CYP27C1: variants seen among roughly 807,000 people sequenced by gnomAD.
CYP27C1 encodes the protein cytochrome P450 27C1.
A neutral mutation model predicts 40.6 loss-of-function variants in CYP27C1; 29 were observed. The ratio of observed to expected loss-of-function variants is 0.71; its 90% CI spans 0.53 to 0.97. The LOEUF is 0.97. Ranked by LOEUF, CYP27C1 falls within the 50% of genes least tolerant of loss-of-function variation. The pLI is 0.00. For missense variants in CYP27C1, 390 were observed against 485.8 expected (o/e 0.80, Z 1.85); for synonymous variants, 198 against 186.8 (o/e 1.06, Z -0.49).
At chr2:127,216,426 T>C (rs1011473505) in intron 1 of CYP27C1, among the ~76,000 whole-genome samples, 4 of 152,154 alleles carry the variant, frequency 2.6e-5, no homozygotes, top group African/African-American at 9.7e-5. Context: ...TACTGAAATG[T>C]TTAAAGTGAA....
intron 2 of CYP27C1, among the ~76,000 whole-genome samples, chr2:127,205,015 CTTT>C (rs1309756549): frequency 2.0e-5 from 3 of 152,184 alleles, no homozygotes; most frequent in Non-Finnish European, 4.4e-5. Flanking sequence ...CTGCCCTTCC[CTTT>C]GCTGTCCACT....
intron 1 of CYP27C1, among the ~76,000 whole-genome samples, chr2:127,216,453 A>C (rs998393630): frequency 6.6e-6 from 1 of 152,240 alleles, no homozygotes; most frequent in South Asian, 2.1e-4. Context: ...CACCCATAAA[A>C]GACCACATAT....
At chr2:127,191,870 C>T (rs1312275321) in intron 8 of CYP27C1, among the ~76,000 whole-genome samples, 1 of 152,230 alleles carries the variant, frequency 6.6e-6, no homozygotes, top group East Asian at 1.9e-4. Context: ...TTGGTCCCAC[C>T]AGCCCCACCC....
rs1331220108 is a variant in CYP27C1 at position 127,219,552 on chromosome 2, C to T, written c.282+437G>A. On this transcript the variant is annotated intron_variant, in intron 1 of 8. Coordinates refer to ENST00000664447, the MANE Select transcript of CYP27C1 (RefSeq NM_001367502.1). This position sits in a 1 kb window ranked among gnomAD's most constrained non-coding sequence, Gnocchi z 8.7. ...GACTCCCCTCCCCGCTACCTCCTCCCCAGGGGTCCCGGCTGGGGCCCCTCC... is the reference window on the plus strand; with the variant it reads ...GACTCCCCTCCCCGCTACCTCCTCCTCAGGGGTCCCGGCTGGGGCCCCTCC... Among the ~76,000 whole-genome samples the T allele has an allele frequency of 1.3e-5, 2 of 151,898 alleles. No individual in the cohort carries two copies. Among genetic ancestry groups the T allele is most frequent in the East Asian group, 3.9e-4 (2 of 5,138 alleles).
chr2:127,193,194 T>G lies in CYP27C1; in HGVS notation c.1397A>C (p.Asp466Ala), dbSNP rs751573782. Reference sequence around the variant, plus strand: ...GATGGATCCAAAATTGTCAACTCTATCTAAGTCTCCTTTCCGCAGCCAGCG... The same window carrying G: ...GATGGATCCAAAATTGTCAACTCTAGCTAAGTCTCCTTTCCGCAGCCAGCG... Reference protein sequence around the residue: ...PERWLRKGDLDRVDNFGSIPF... With the variant: ...PERWLRKGDLARVDNFGSIPF... Residue 466 changes from aspartate (D) to alanine (A), a missense_variant, in exon 8 of 9, where the codon GAT (aspartate) becomes GCT (alanine). Transcript: ENST00000664447. 4 of 1,614,048 alleles carry G rather than the reference T, an allele frequency of 2.5e-6. No homozygotes were observed. In the African/African-American group the frequency reaches 5.3e-5, roughly 22 times the overall value.
intron 2 of CYP27C1, among the ~76,000 whole-genome samples, chr2:127,204,485 A>AAAGGAAGG (rs369842924): frequency 8.3e-5 from 5 of 60,172 alleles, no homozygotes; most frequent in African/African-American, 3.4e-4. Context: ...AGAAAGAAAG[A>AAAGGAAGG]AAGGAAGGAA....
chr2:127,197,784 A>G lies in CYP27C1; in HGVS notation c.1047+1592T>C, dbSNP rs78251486. The stretch of plus-strand genomic sequence containing the variant: ...TTTACAACTGCTTTCACCTGTACCT[A>G]CACGGCGATCATTTTCACACGTATC... On this transcript the variant is annotated intron_variant, in intron 5 of 8. Transcript: ENST00000664447. 8.4e-3 allele frequency among the ~76,000 whole-genome samples: 1,283 copies of G among 152,128 alleles called. 24 individuals are homozygous for G. Among genetic ancestry groups the G allele is most frequent in the African/African-American group, 0.029 (1,219 of 41,430 alleles).
intron 1 of CYP27C1, among the ~76,000 whole-genome samples, chr2:127,214,784 T>A (rs1683394988): frequency 2.8e-5 from 3 of 107,270 alleles, no homozygotes; most frequent in Non-Finnish European, 6.0e-5. Flanking sequence ...CGTTTTTTGT[T>A]TTTTTTTTTT....
Position 127,195,980 on chromosome 2 carries a change from G to C in CYP27C1, c.1048-479C>G, listed in dbSNP as rs1003614633. The stretch of plus-strand genomic sequence containing the variant: ...AATCTAGAGATTGGAGTGCACAGGA[G>C]ATCACTAGTTAGCCATCGTGTCCTG... On this transcript the variant is annotated intron_variant, in intron 5 of 8. Transcript: ENST00000664447. This position sits in a 1 kb window ranked among gnomAD's most constrained non-coding sequence, Gnocchi z 6.2. Among the ~76,000 whole-genome samples, 4 of 152,122 alleles carry C rather than the reference G, an allele frequency of 2.6e-5. No homozygotes were observed. Among genetic ancestry groups the C allele is most frequent in the Admixed American group, 1.3e-4 (2 of 15,272 alleles).
At chr2:127,217,059 T>G (rs547311054) in intron 1 of CYP27C1, among the ~76,000 whole-genome samples, 277 of 152,298 alleles carry the variant, frequency 1.8e-3, no homozygotes, top group Middle Eastern at 3.4e-3. Context: ...GAATGACTGG[T>G]AACAAGAACT....
chr2:127,195,996 T>C lies in CYP27C1; in HGVS notation c.1048-495A>G, dbSNP rs1682895485. 6.6e-6 allele frequency among the ~76,000 whole-genome samples: 1 copy of C among 151,920 alleles called. No homozygotes were observed. ...TGCACAGGAGATCACTAGTTAGCCA[T>C]CGTGTCCTGCCTTCATCAAGTAAGG... is the stretch of plus-strand genomic sequence containing the variant. On this transcript the variant is annotated intron_variant, in intron 5 of 8. Transcript: ENST00000664447. The surrounding 1 kb of genome is among the most constrained non-coding windows in gnomAD (Gnocchi z 6.2).
rs1162955070 is a variant in CYP27C1, at chr2:127,219,002, C to T, written c.282+987G>A. On this transcript the variant is annotated intron_variant, in intron 1 of 8. Transcript: ENST00000664447. The surrounding 1 kb of genome is among the most constrained non-coding windows in gnomAD (Gnocchi z 8.7). ...CCAACGCCCTAGCGGGTGGCTGGGACCCCTGGGTTCCTCCCACGTCCCTGC... is the reference window on the plus strand; with the variant it reads ...CCAACGCCCTAGCGGGTGGCTGGGATCCCTGGGTTCCTCCCACGTCCCTGC... Among the ~76,000 whole-genome samples the T allele has an allele frequency of 6.6e-6, 1 of 152,120 alleles. No individual in the cohort carries two copies. The highest frequency in any genetic ancestry group is 2.4e-5 in the African/African-American group (1 of 41,428).
rs1398714835 is a variant in CYP27C1 at position 127,193,019 on chromosome 2, T to C, written c.1497+75A>G. ...CCAAAACCGTCTTTGCTTTTCAACCTGGAAGTCTTTATCCTGTTGTGCCCA... is the reference window on the plus strand; with the variant it reads ...CCAAAACCGTCTTTGCTTTTCAACCCGGAAGTCTTTATCCTGTTGTGCCCA... On this transcript the variant is annotated intron_variant, in intron 8 of 8. Transcript: ENST00000664447. 3.9e-6 allele frequency: 6 copies of C among 1,553,418 alleles called. No individual in the cohort carries two copies. The East Asian group carries it at 1.2e-4, about 30-fold the overall frequency.
In CYP27C1 at chr2:127,196,546, CTAATT is replaced by C. The variant is rs1682909898; in HGVS notation, c.1048-1050_1048-1046del. Among the ~76,000 whole-genome samples the C allele has an allele frequency of 2.0e-5, 3 of 147,066 alleles. No homozygotes were observed. The highest frequency in any genetic ancestry group is 7.5e-5 in the African/African-American group (3 of 39,972). Reference sequence around the variant, plus strand: ...TTTCTCTTTCACCAAAAAAAAAAAACTAATTTAAGCAGGCAATATTGATATCATTT... The same window carrying C: ...TTTCTCTTTCACCAAAAAAAAAAAACTAAGCAGGCAATATTGATATCATTT... On this transcript the variant is annotated intron_variant, in intron 5 of 8. Coordinates refer to ENST00000664447, the MANE Select transcript of CYP27C1 (RefSeq NM_001367502.1). This position sits in a 1 kb window ranked among gnomAD's most constrained non-coding sequence, Gnocchi z 4.5.
At chr2:127,191,631 G>T (rs1038041270) in intron 8 of CYP27C1, among the ~76,000 whole-genome samples, 1 of 152,220 alleles carries the variant, frequency 6.6e-6, no homozygotes, top group African/African-American at 2.4e-5. Flanking sequence ...TACGTGGACT[G>T]TTTTTACTCC....
rs111245735 is a variant in CYP27C1, at chr2:127,184,946, A to C, written c.*2325T>G. 14,927 of 152,224 alleles carry C rather than the reference A, an allele frequency of 0.098. 861 individuals are homozygous for C. Among genetic ancestry groups the C allele is most frequent in the Middle Eastern group, 0.14 (42 of 296 alleles). The allele number at this position is 152,224 out of a possible 1,614,324, so 9.4% of individuals were successfully genotyped here. A position where few individuals can be genotyped will look rare whatever the true frequency, so the allele number is the denominator to read the frequency against. ...GCAATCCTCCAGCCTCAGCCTCCCAAATAGCTAGGACTACAGGCATGCACC... is the reference window on the plus strand; with the variant it reads ...GCAATCCTCCAGCCTCAGCCTCCCACATAGCTAGGACTACAGGCATGCACC... On this transcript the variant is annotated 3_prime_UTR_variant, in exon 9 of 9. Transcript: ENST00000664447.
intron 1 of CYP27C1, among the ~76,000 whole-genome samples, chr2:127,214,780 TTG>T (rs1683394415): frequency 1.4e-5 from 2 of 138,030 alleles, no homozygotes; most frequent in Non-Finnish European, 3.2e-5. Flanking sequence ...TATCCGTTTT[TTG>T]TTTTTTTTTT....
chr2:127,213,496 CT>C (rs1332178276), intron 1 of CYP27C1, among the ~76,000 whole-genome samples: 1 of 152,064 alleles, frequency 6.6e-6, no homozygotes, highest in Non-Finnish European at 1.5e-5. Flanking sequence ...AAACAAAGAC[CT>C]CAGAAATAGC....
chr2:127,187,812 C>T (rs1339540047), intron 8 of CYP27C1, among the ~76,000 whole-genome samples: 2 of 152,184 alleles, frequency 1.3e-5, no homozygotes, highest in Non-Finnish European at 2.9e-5. Flanking sequence ...ACTTCAGACC[C>T]GGCCAGAAAC....
Sources: allele counts gnomAD v4.1 joint callset (sites outside exome capture counted in the v4.1 genomes callset), GRCh38; gene constraint gnomAD v4.1.1; non-coding constraint Gnocchi (gnomAD v3.1); transcripts MANE v1.5; gene names NCBI Gene and HGNC (gene_info 2026-07-23, HGNC 2026-07-21).